The following FGGY variants were observed in gnomAD, a reference collection of about 807,000 sequenced individuals.
FGGY encodes the protein FGGY carbohydrate kinase domain containing, also known as FGGY carbohydrate kinase domain-containing protein.
In FGGY, 72 loss-of-function variants were observed where a neutral mutation model predicts 71.3. The observed-to-expected ratio is 1.01, with a 90% confidence interval of 0.84 to 1.23. The LOEUF is 1.23. Among genes scored for constraint, FGGY ranks in the 50% most tolerant of loss-of-function variants. FGGY has a pLI of 0.00. For synonymous variants in FGGY, 251 were observed against 250.3 expected, an observed-to-expected ratio of 1.00 and a Z score of -0.02; for missense variants, 668 against 682.3, an observed-to-expected ratio of 0.98 and a Z score of 0.23.
Position 59,380,624 on chromosome 1 carries a change from C to CA in FGGY, c.554+1787_554+1788insA, listed in dbSNP as rs2153345146. 3.3e-5 allele frequency among the ~76,000 whole-genome samples: 5 copies of CA among 151,670 alleles called. No homozygotes were observed. In the South Asian group the frequency reaches 1.0e-3, roughly 31 times the overall value. ...GAGAAGTGTCTGTTCATATCCTTTGCCCCCTTTTTGATGGGGTTGTGTTTT... is the reference window on the plus strand; with the variant it reads ...GAGAAGTGTCTGTTCATATCCTTTGCACCCCTTTTTGATGGGGTTGTGTTTT... On this transcript the variant is annotated intron_variant, in intron 5 of 15. Transcript: ENST00000303721.
Position 59,326,085 on chromosome 1 carries a change from G to T in FGGY, c.201+4335G>T, listed in dbSNP as rs1317344853. Among the ~76,000 whole-genome samples the T allele has an allele frequency of 1.6e-4, 24 of 152,234 alleles. 1 individual carries two copies. On this transcript the variant is annotated intron_variant, in intron 2 of 15. Transcript: ENST00000303721. ...ATGATTCATACTAAACTTCTCTTAG[G>T]AAGAAGGAGAAGATAAGCTGGAGGA...
intron 15 of FGGY, among the ~76,000 whole-genome samples, chr1:59,762,288 G>A (rs1310022012): frequency 1.3e-5 from 2 of 152,052 alleles, no homozygotes. Flanking sequence ...GGGTTTAAAT[G>A]TTCTTATTTC....
chr1:59,640,469 T>A (rs2097011803), intron 11 of FGGY, among the ~76,000 whole-genome samples: 1 of 152,178 alleles, frequency 6.6e-6, no homozygotes, highest in South Asian at 2.1e-4. Flanking sequence ...ATGAGTAAGA[T>A]GCAACAATAC....
At chr1:59,712,702 C>T (rs2097804233) in intron 14 of FGGY, among the ~76,000 whole-genome samples, 1 of 152,102 alleles carries the variant, frequency 6.6e-6, no homozygotes, top group African/African-American at 2.4e-5. Flanking sequence ...TATAGGGACG[C>T]AGGGCACCAA....
chr1:59,347,886 A>G (rs2052416118), intron 4 of FGGY, among the ~76,000 whole-genome samples: 2 of 152,240 alleles, frequency 1.3e-5, no homozygotes, highest in African/African-American at 4.8e-5. Context: ...CATTCAGGAC[A>G]TAGGTATGGG....
chr1:59,674,016 A>T (rs752173561), intron 13 of FGGY, 23 bp from the exon 14 acceptor site: 2 of 1,608,326 alleles, frequency 1.2e-6, no homozygotes, highest in Non-Finnish European at 1.7e-6. Context: ...TCCCTAACCA[A>T]GGTGTGGCCT....
chr1:59,614,725 G>C (rs2096731814), intron 9 of FGGY, among the ~76,000 whole-genome samples: 1 of 152,120 alleles, frequency 6.6e-6, no homozygotes, highest in African/African-American at 2.4e-5. Context: ...GTTTGTAGAT[G>C]ACATGATTGT....
intron 8 of FGGY, among the ~76,000 whole-genome samples, chr1:59,602,987 AC>A (rs2096592039): frequency 6.6e-6 from 1 of 152,208 alleles, no homozygotes; most frequent in African/African-American, 2.4e-5. Flanking sequence ...TCAGTGTCTG[AC>A]ATACAGTATG....
intron 5 of FGGY, among the ~76,000 whole-genome samples, chr1:59,439,042 A>G (rs2153474326): frequency 6.6e-6 from 1 of 152,266 alleles, no homozygotes; most frequent in Middle Eastern, 3.4e-3. Flanking sequence ...CTTGCACTTG[A>G]CAGCCCAACT....
intron 8 of FGGY, among the ~76,000 whole-genome samples, chr1:59,604,655 G>A (rs2096606585): frequency 6.6e-6 from 1 of 152,198 alleles, no homozygotes. Context: ...ATGCATACAA[G>A]TAAAGAGCAT....
chr1:59,743,427 C>T (rs557557454), intron 14 of FGGY, among the ~76,000 whole-genome samples: 1 of 152,296 alleles, frequency 6.6e-6, no homozygotes, highest in African/African-American at 2.4e-5. Context: ...CAATGCCTTG[C>T]ACACAATAAG....
Position 59,626,090 on chromosome 1 carries a change from G to A in FGGY, c.1073+41G>A. 3 of 1,565,338 alleles carry A rather than the reference G, an allele frequency of 1.9e-6. No individual in the cohort carries two copies. In the South Asian group the frequency reaches 3.4e-5, roughly 18 times the overall value. On this transcript the variant is annotated intron_variant, in intron 10 of 15. Coordinates refer to ENST00000303721, the MANE Select transcript of FGGY (RefSeq NM_018291.5). ...GTTCCCTCTAAAATTTTCCTTGTGT[G>A]ACTGTATTGAGAGAATTCACGTTGG... is the stretch of plus-strand genomic sequence containing the variant.
Position 59,456,997 on chromosome 1 carries a change from A to G in FGGY, c.591A>G (p.Ser197=), listed in dbSNP as rs745822593. The change falls in exon 6 of 16, where the codon TCA becomes TCG. Residue 197 remains serine, a synonymous_variant. Transcript: ENST00000303721. ...CCCTGGTGTGTAAGTGGACATATTC[A>G]GCAGAGAAAGGCTGGGACGACAGTT... is the stretch of plus-strand genomic sequence containing the variant. ...LCSLVCKWTY[S]AEKGWDDSFW... The G allele has an allele frequency of 5.0e-6, 8 of 1,614,124 alleles. No individual in the cohort carries two copies. The Admixed American group carries it at 1.3e-4, about 27-fold the overall frequency.
At chr1:59,681,313 G>C (rs546726659) in intron 14 of FGGY, among the ~76,000 whole-genome samples, 2 of 152,086 alleles carry the variant, frequency 1.3e-5, no homozygotes, top group Admixed American at 1.3e-4. Flanking sequence ...CTAACAAAAC[G>C]CATTTTCCCA....
At chr1:59,330,414 C>T (rs1381181710) in intron 2 of FGGY, among the ~76,000 whole-genome samples, 3 of 151,902 alleles carry the variant, frequency 2.0e-5, no homozygotes, top group African/African-American at 7.3e-5. Context: ...ACTAAAAATA[C>T]AAAAATTAGC....
intron 7 of FGGY, among the ~76,000 whole-genome samples, chr1:59,536,611 C>A (rs1212118730): frequency 6.6e-6 from 1 of 152,110 alleles, no homozygotes; most frequent in Non-Finnish European, 1.5e-5. Context: ...TCCAGCAGCA[C>A]ATCAAAAAGC....
At chr1:59,696,846 A>C (rs1178907101) in intron 14 of FGGY, among the ~76,000 whole-genome samples, 5 of 152,202 alleles carry the variant, frequency 3.3e-5, no homozygotes, top group African/African-American at 1.2e-4. Context: ...GGGCCCTTAG[A>C]GATCATCCCA....
intron 14 of FGGY, among the ~76,000 whole-genome samples, chr1:59,685,242 G>GAGGGA (rs2097535146): frequency 6.6e-6 from 1 of 152,024 alleles, no homozygotes; most frequent in Non-Finnish European, 1.5e-5. Flanking sequence ...ATTTCCTTCT[G>GAGGGA]CTTGAGGGAA....
intron 14 of FGGY, among the ~76,000 whole-genome samples, chr1:59,721,356 T>TTTTTTTG: frequency 8.2e-6 from 1 of 122,168 alleles, no homozygotes; most frequent in Non-Finnish European, 1.8e-5. Context: ...TTTTTTTTTT[T>TTTTTTTG]GAGACGGAGT....
Sources: allele counts gnomAD v4.1 joint callset (sites outside exome capture counted in the v4.1 genomes callset), GRCh38; gene constraint gnomAD v4.1.1; transcripts MANE v1.5; gene names NCBI Gene and HGNC (gene_info 2026-07-23, HGNC 2026-07-21).